The following UBE4A variants were observed in gnomAD, a reference collection of about 807,000 sequenced individuals.
UBE4A encodes the protein ubiquitin conjugation factor E4 A.
UBE4A carries 48 observed loss-of-function variants against 117.9 expected under a neutral mutation model. The observed-to-expected ratio is 0.41, with a 90% CI of 0.32 to 0.52. UBE4A has a LOEUF of 0.52. UBE4A is among the 20% of genes least tolerant of loss of function. The pLI, the probability that UBE4A is intolerant of heterozygous loss-of-function variation, is 0.33. For synonymous variants in UBE4A, 407 were observed against 450.0 expected (o/e 0.90, Z 1.21); for missense variants, 1,067 against 1,296.3 (o/e 0.82, Z 2.72).
At chr11:118,374,744 A>G (rs1389967444) in intron 8 of UBE4A, 152 bp from the exon 9 acceptor site, 5 of 691,176 alleles carry the variant, frequency 7.2e-6, no homozygotes, top group Non-Finnish European at 1.1e-5. Context: ...GCCCAGAAAT[A>G]TATTTTAAAA....
In UBE4A at chr11:118,376,829, T is replaced by A. The variant is rs201783225; in HGVS notation, c.1571+135T>A. ...TTTTGGGAGGCCAAGGCAGAAGGAT[T>A]GCTTGAGGCCAGAAGTTTAAGACCA... On this transcript the variant is annotated intron_variant, in intron 10 of 19. Coordinates refer to ENST00000252108, the MANE Select transcript of UBE4A (RefSeq NM_001204077.2). 178 of 1,063,100 alleles carry A rather than the reference T, an allele frequency of 1.7e-4. No homozygotes were observed. In the East Asian group the frequency reaches 4.6e-3, roughly 27 times the overall value. 65.9% of individuals were successfully genotyped at this position (1,063,100 alleles called of 1,614,324 possible). A position where few individuals can be genotyped will look rare whatever the true frequency, so the allele number is the denominator to read the frequency against.
At chr11:118,376,198 A>G (rs1272424677) in intron 9 of UBE4A, among the ~76,000 whole-genome samples, 1 of 152,234 alleles carries the variant, frequency 6.6e-6, no homozygotes, top group Non-Finnish European at 1.5e-5. Flanking sequence ...TCACAGTCCT[A>G]CCATTCAAAG....
intron 8 of UBE4A, among the ~76,000 whole-genome samples, chr11:118,374,391 T>C (rs565324040): frequency 6.6e-6 from 1 of 152,346 alleles, no homozygotes; most frequent in South Asian, 2.1e-4. Context: ...ACATGAGGCA[T>C]TGAATGATTG....
chr11:118,382,117 A>G (rs1320322491), intron 12 of UBE4A, among the ~76,000 whole-genome samples: 1 of 152,154 alleles, frequency 6.6e-6, no homozygotes, highest in East Asian at 1.9e-4. Context: ...AGTAGAGAGA[A>G]GCCATTTCTT....
At chr11:118,391,444 C>T (rs1555128446) in intron 18 of UBE4A, among the ~76,000 whole-genome samples, 1 of 149,604 alleles carries the variant, frequency 6.7e-6, no homozygotes, top group African/African-American at 2.5e-5. Context: ...ATCGCAACCA[C>T]TGCACTCCAG....
At chr11:118,395,185 T>C (rs1948858526) in intron 19 of UBE4A, among the ~76,000 whole-genome samples, 1 of 151,286 alleles carries the variant, frequency 6.6e-6, no homozygotes, top group Non-Finnish European at 1.5e-5. Context: ...AAAAATTAGC[T>C]GGGCATGATA....
intron 1 of UBE4A, among the ~76,000 whole-genome samples, chr11:118,364,219 G>A (rs1948544968): frequency 6.6e-6 from 1 of 152,060 alleles, no homozygotes; most frequent in Non-Finnish European, 1.5e-5. Context: ...TCTTGAATGA[G>A]GAAATGTAAT....
rs1202164884 is a variant in UBE4A, at chr11:118,373,211, C to G, written c.847C>G (p.Leu283Val). Residue 283 changes from leucine (L) to valine (V), a missense_variant, in exon 7 of 20, where the codon CTA (leucine) becomes GTA (valine). Physicochemically the swap from Leu to Val is conservative, Grantham distance 32 (BLOSUM62 1). Transcript: ENST00000252108. ...TATTTTATTGGGCCGAATAAAAGAT[C>G]TAGAGCTCTGTCAGATCCTTTTGTA... ...FDILLGRIKD[L>V]ELCQILLYAY... 3 of 1,613,748 alleles carry G rather than the reference C, an allele frequency of 1.9e-6. No homozygotes were observed. The highest frequency in any genetic ancestry group is 1.1e-5 in the South Asian group (1 of 91,086).
chr11:118,384,693 A>G lies in UBE4A; in HGVS notation c.2256A>G (p.Leu752=). 2 of 1,614,080 alleles carry G rather than the reference A, an allele frequency of 1.2e-6. No individual in the cohort carries two copies. Among genetic ancestry groups the G allele is most frequent in the African/African-American group, 1.3e-5 (1 of 75,026 alleles). ...FNYRRPMYPI[L]RYMWGTDTYR... ...ACCGCCGTCCCATGTATCCTATCCT[A>G]AGATACATGTGGGGGACAGATACCT... Residue 752 remains leucine, a synonymous_variant, in exon 14 of 20, where the codon CTA becomes CTG. Coordinates refer to ENST00000252108, the MANE Select transcript of UBE4A (RefSeq NM_001204077.2).
At chr11:118,391,795 A>G (rs1415578360) in intron 18 of UBE4A, among the ~76,000 whole-genome samples, 1 of 132,928 alleles carries the variant, frequency 7.5e-6, no homozygotes, top group Admixed American at 7.1e-5. Context: ...CTCCATCTCA[A>G]AAAAGAAAAA....
At chr11:118,383,025 A>G (rs1948720357) in intron 13 of UBE4A, among the ~76,000 whole-genome samples, 1 of 151,410 alleles carries the variant, frequency 6.6e-6, no homozygotes, top group Non-Finnish European at 1.5e-5. Context: ...TGTTTTACAT[A>G]TGAAGACATG....
intron 11 of UBE4A, 112 bp from the exon 12 acceptor site, chr11:118,381,279 A>G (rs1331246278): frequency 7.4e-7 from 1 of 1,359,362 alleles, no homozygotes; most frequent in Non-Finnish European, 1.0e-6. Context: ...CCAACAAAAC[A>G]TTTAGGGTTT....
At chr11:118,382,522 G>T in intron 12 of UBE4A, 67 bp from the exon 13 acceptor site, 1 of 1,302,786 alleles carries the variant, frequency 7.7e-7, no homozygotes, top group Non-Finnish European at 1.0e-6. Flanking sequence ...TTCTTATGTG[G>T]AGAGAACAGA....
intron 1 of UBE4A, among the ~76,000 whole-genome samples, chr11:118,360,560 T>C (rs1451307972): frequency 6.6e-6 from 1 of 152,250 alleles, no homozygotes; most frequent in Non-Finnish European, 1.5e-5. Context: ...ATATGTATTA[T>C]TTGCCAGGAC....
rs1948626326 is a variant in UBE4A at position 118,373,520 on chromosome 11, G to A, written c.951G>A (p.Lys317=). 1.2e-6 allele frequency: 2 copies of A among 1,613,924 alleles called. No homozygotes were observed. The highest frequency in any genetic ancestry group is 2.2e-5 in the South Asian group (2 of 91,076). ...AKVFVEYIQP[K]DPTNGQMYQK... is the part of the protein sequence containing the mutation. ...TTTTTGTAGAATACATTCAGCCCAA[G>A]GACCCTACCAATGGGCAAATGTACC... Residue 317 remains lysine, a synonymous_variant, in exon 8 of 20, where the codon AAG becomes AAA. Coordinates refer to ENST00000252108, the MANE Select transcript of UBE4A (RefSeq NM_001204077.2).
intron 9 of UBE4A, 47 bp from the exon 10 acceptor site, chr11:118,376,527 T>C: frequency 6.2e-7 from 1 of 1,602,160 alleles, no homozygotes; most frequent in Non-Finnish European, 8.5e-7. Context: ...AAGAGGAGAC[T>C]GGAGACCAAG....
At chr11:118,391,087 G>C (rs1385829183) in intron 18 of UBE4A, among the ~76,000 whole-genome samples, 1 of 152,146 alleles carries the variant, frequency 6.6e-6, no homozygotes, top group Non-Finnish European at 1.5e-5. Flanking sequence ...GGGAGAAAAA[G>C]AGCATTACCA....
chr11:118,384,600 G>A (rs1487311983), intron 13 of UBE4A, 35 bp from the exon 14 acceptor site: 6 of 1,577,642 alleles, frequency 3.8e-6, no homozygotes, highest in Admixed American at 3.4e-5. Flanking sequence ...TTATGGCACC[G>A]CCTTTGCTGA....
In UBE4A at chr11:118,392,003, A is replaced by G. The variant is rs940386551; in HGVS notation, c.2917-735A>G. ...TTATTTGGATTGTCTCTATGTTTGT[A>G]GTTGGTAGTTGGCTTTTATTGGAAT... On this transcript the variant is annotated intron_variant, in intron 18 of 19. Coordinates refer to ENST00000252108, the MANE Select transcript of UBE4A (RefSeq NM_001204077.2). Among the ~76,000 whole-genome samples, 4 of 151,990 alleles carry G rather than the reference A, an allele frequency of 2.6e-5. No homozygotes were observed. The East Asian group carries it at 7.7e-4, about 29-fold the overall frequency.
Sources: gnomAD v4.1 joint callset for allele counts (sites outside exome capture counted in the v4.1 genomes callset) on GRCh38, gnomAD v4.1.1 for gene constraint, MANE v1.5 for transcripts, NCBI Gene and HGNC (gene_info 2026-07-23, HGNC 2026-07-21) for gene names.